Variants in CD244 observed in about 807,000 individuals in gnomAD.
CD244 encodes the protein natural killer cell receptor 2B4.
A neutral mutation model predicts 45.5 loss-of-function variants in CD244; 20 were observed. The observed-to-expected ratio is 0.44, with a 90% CI of 0.31 to 0.64. CD244 has a LOEUF of 0.64. Ranked by LOEUF, CD244 falls within the 30% of genes least tolerant of loss-of-function variation. The pLI, the probability that CD244 is intolerant of heterozygous loss-of-function variation, is 0.08. For synonymous variants in CD244, 185 were observed against 160.5 expected (o/e 1.15, Z -1.15); for missense variants, 407 against 426.9 (o/e 0.95, Z 0.41).
At chr1:160,832,870 G>GTGTATATATA (rs1336342075) in intron 7 of CD244, among the ~76,000 whole-genome samples, 1 of 117,852 alleles carries the variant, frequency 8.5e-6, no homozygotes, top group Non-Finnish European at 2.0e-5. Context: ...GTGTGTGTGT[G>GTGTATATATA]TATATATATA....
intron 7 of CD244, 48 bp from the exon 8 acceptor site, chr1:160,832,623 T>A (rs755138784): frequency 3.7e-6 from 6 of 1,609,512 alleles, no homozygotes; most frequent in Non-Finnish European, 5.1e-6. Context: ...ATAAGTGCTC[T>A]CCCACTCCTA....
chr1:160,838,460 C>T lies in CD244; in HGVS notation c.825G>A (p.Arg275=). The change falls in exon 5 of 9, where the codon AGG becomes AGA. Residue 275 remains arginine, a synonymous_variant. Coordinates refer to ENST00000368034, the MANE Select transcript of CD244 (RefSeq NM_016382.4). ...IYEDVKDLKT[R]RNHEQEQTFP... ...CTCCGGGATGACATACGTGATTTCT[C>T]CTGGTTTTCAGATCCTTGACATCTT... 1 of 1,612,822 alleles carries T rather than the reference C, an allele frequency of 6.2e-7. No homozygotes were observed.
intron 1 of CD244, 71 bp downstream of exon 1, chr1:160,862,546 T>C: frequency 7.2e-7 from 1 of 1,386,008 alleles, no homozygotes; most frequent in South Asian, 1.2e-5. Flanking sequence ...GCAGAGGCTC[T>C]GGCTCTGATC....
intron 1 of CD244, among the ~76,000 whole-genome samples, chr1:160,858,732 C>A (rs766879216): frequency 8.5e-5 from 13 of 152,372 alleles, no homozygotes; most frequent in Admixed American, 5.2e-4. Flanking sequence ...GTGACTCAGG[C>A]AATCTAGCGC....
intron 1 of CD244, among the ~76,000 whole-genome samples, chr1:160,851,310 G>C (rs1351176499): frequency 1.3e-5 from 2 of 152,160 alleles, no homozygotes; most frequent in Admixed American, 1.3e-4. Flanking sequence ...CTGCCTACAG[G>C]CTGCCAGCCA....
At chr1:160,856,294 A>G (rs976188780) in intron 1 of CD244, among the ~76,000 whole-genome samples, 2 of 152,164 alleles carry the variant, frequency 1.3e-5, no homozygotes, top group African/African-American at 4.8e-5. Context: ...TCCTCAGGCA[A>G]TGCAACTCCC....
At chr1:160,861,095 A>T (rs149383001) in intron 1 of CD244, among the ~76,000 whole-genome samples, 2 of 152,330 alleles carry the variant, frequency 1.3e-5, no homozygotes, top group South Asian at 2.1e-4. Flanking sequence ...TCATCCCCAC[A>T]GCCAGGCACC....
intron 8 of CD244, 146 bp from the exon 9 acceptor site, chr1:160,831,573 G>C (rs917911437): frequency 1.4e-5 from 9 of 633,070 alleles, no homozygotes; most frequent in Middle Eastern, 2.6e-4. Context: ...TCCACGACTA[G>C]TGTGAAGTGC....
rs756499450 is a variant in CD244 at position 160,831,567 on chromosome 1, C to T, written c.1018-140G>A. The T allele has an allele frequency of 1.0e-3, 651 of 646,732 alleles. 1 individual carries two copies. The highest frequency in any genetic ancestry group is 1.4e-3 in the Non-Finnish European group (522 of 362,322). The allele number at this position is 646,732 out of a possible 1,614,324, so 40.1% of individuals were successfully genotyped here. A position where few individuals can be genotyped will look rare whatever the true frequency, so the allele number is the denominator to read the frequency against. On this transcript the variant is annotated intron_variant, in intron 8 of 8. Transcript: ENST00000368034. ...GACAAAACAAATTACTCAGGATCCACGACTAGTGTGAAGTGCAGGAGGGAC... is the reference window on the plus strand; with the variant it reads ...GACAAAACAAATTACTCAGGATCCATGACTAGTGTGAAGTGCAGGAGGGAC...
chr1:160,832,824 C>T lies in CD244; in HGVS notation c.961-249G>A, dbSNP rs1669173886. 6 of 532,978 alleles carry T rather than the reference C, an allele frequency of 1.1e-5. No homozygotes were observed. In the Admixed American group the frequency reaches 1.4e-4, roughly 13 times the overall value. The allele number at this position is 532,978 out of a possible 1,614,324, so 33.0% of individuals were successfully genotyped here. On this transcript the variant is annotated intron_variant, in intron 7 of 8. Transcript: ENST00000368034. ...GAACCAAAATCAGAATTTGCTGTTC[C>T]ATACCCACATACACCTAAAACCCAT...
chr1:160,853,449 T>A (rs1011745841), intron 1 of CD244, among the ~76,000 whole-genome samples: 1 of 152,174 alleles, frequency 6.6e-6, no homozygotes, highest in Admixed American at 6.5e-5. Context: ...AGTTTTGATA[T>A]GTACTTACAC....
chr1:160,850,768 G>T (rs1669891957), intron 1 of CD244, among the ~76,000 whole-genome samples: 1 of 152,118 alleles, frequency 6.6e-6, no homozygotes, highest in Non-Finnish European at 1.5e-5. Context: ...TGCCAAGCAA[G>T]CAATCAGCTC....
rs758694341 is a variant in CD244, at chr1:160,836,241, G to T, written c.848C>A (p.Thr283Asn). ...KTRRNHEQEQ[T>N]FPGGGSTIYS... ...GATGGTGCTCCCCCCTCCAGGAAAA[G>T]TCTGCTCCTGCTCCTGCACAAGAAA... is the stretch of plus-strand genomic sequence containing the variant. Residue 283 changes from threonine to asparagine, a missense_variant, in exon 6 of 9, where the codon ACT (threonine) becomes AAT (asparagine). Physicochemically the swap from Thr to Asn is moderately conservative, Grantham distance 65. Transcript: ENST00000368034. 1 of 1,613,656 alleles carries T rather than the reference G, an allele frequency of 6.2e-7. No individual in the cohort carries two copies. The highest frequency in any genetic ancestry group is 1.1e-5 in the South Asian group (1 of 91,046).
chr1:160,843,439 A>T (rs1299208469), intron 1 of CD244, among the ~76,000 whole-genome samples: 1 of 152,208 alleles, frequency 6.6e-6, no homozygotes, highest in Non-Finnish European at 1.5e-5. Flanking sequence ...TACAAGGAGG[A>T]CATATACTGT....
chr1:160,852,649 C>T (rs528488704), intron 1 of CD244, among the ~76,000 whole-genome samples: 5 of 152,222 alleles, frequency 3.3e-5, no homozygotes, highest in Non-Finnish European at 1.5e-5. Context: ...TAAATTGGTA[C>T]CAGCACTTTG....
Position 160,836,288 on chromosome 1 carries a change from G to T in CD244, c.835-34C>A, listed in dbSNP as rs189095349. 81 of 1,552,896 alleles carry T rather than the reference G, an allele frequency of 5.2e-5. No individual in the cohort carries two copies. In the African/African-American group the frequency reaches 8.7e-4, roughly 17 times the overall value. The stretch of plus-strand genomic sequence containing the variant: ...GAAATGGAGATGGGGTAACATGAGC[G>T]ACAGTTCGGTCTGTCCAGATTTAGA... On this transcript the variant is annotated intron_variant, in intron 5 of 8. Coordinates refer to ENST00000368034, the MANE Select transcript of CD244 (RefSeq NM_016382.4).
intron 4 of CD244, 177 bp from the exon 5 acceptor site, chr1:160,838,695 C>T (rs1669419270): frequency 3.2e-6 from 2 of 621,490 alleles, no homozygotes; most frequent in East Asian, 5.4e-5. Flanking sequence ...CCGAACTGCC[C>T]CTCCCACACC....
intron 1 of CD244, among the ~76,000 whole-genome samples, chr1:160,855,784 G>A (rs1001373736): frequency 8.5e-5 from 13 of 152,286 alleles, no homozygotes; most frequent in Non-Finnish European, 1.8e-4. Flanking sequence ...ACTCTGAAAG[G>A]GAGGGCAGAG....
At chr1:160,839,170 G>A (rs913383344) in intron 3 of CD244, 121 bp from the exon 4 acceptor site, 19 of 658,400 alleles carry the variant, frequency 2.9e-5, no homozygotes, top group Middle Eastern at 2.5e-4. Context: ...TGATTGCCTC[G>A]TGCTCTGAGA....
Sources: gnomAD v4.1 joint callset for allele counts (sites outside exome capture counted in the v4.1 genomes callset) on GRCh38, gnomAD v4.1.1 for gene constraint, MANE v1.5 for transcripts, NCBI Gene and HGNC (gene_info 2026-07-23, HGNC 2026-07-21) for gene names.